TOX: variants seen among roughly 807,000 people sequenced by gnomAD.
The protein encoded by TOX is thymocyte selection-associated high mobility group box protein TOX.
In TOX, 11 loss-of-function variants were observed where a neutral mutation model predicts 53.7. The observed-to-expected ratio is 0.20, with a 90% CI of 0.13 to 0.34. TOX has a LOEUF of 0.34. Ranked by LOEUF, TOX falls within the 10% of genes least tolerant of loss-of-function variation. The pLI, the probability that TOX is intolerant of heterozygous loss-of-function variation, is 1.00. For missense variants in TOX, 570 were observed against 664.6 expected (o/e 0.86, Z 1.56); for synonymous variants, 225 against 245.3 (o/e 0.92, Z 0.77).
intron 2 of TOX, among the ~76,000 whole-genome samples, chr8:58,952,563 C>T (rs1295838544): frequency 6.6e-6 from 1 of 152,188 alleles, no homozygotes; most frequent in Non-Finnish European, 1.5e-5. Context: ...CACAACTGGT[C>T]AGACTGCAGT....
chr8:59,110,375 G>A lies in TOX; in HGVS notation c.102+8511C>T, dbSNP rs553445786. 7.4e-5 allele frequency among the ~76,000 whole-genome samples: 11 copies of A among 147,970 alleles called. No homozygotes were observed. In the South Asian group the frequency reaches 2.3e-3, roughly 31 times the overall value. On this transcript the variant is annotated intron_variant, in intron 1 of 8. Coordinates refer to ENST00000361421, the MANE Select transcript of TOX (RefSeq NM_014729.3). The stretch of plus-strand genomic sequence containing the variant: ...TGAGGTGTATTGGTATAGAAAGGAA[G>A]CATCGGTGTTTTTCAATGGTATGAA...
intron 1 of TOX, among the ~76,000 whole-genome samples, chr8:59,088,203 G>A (rs1056227683): frequency 2.0e-5 from 3 of 152,146 alleles, no homozygotes; most frequent in Admixed American, 6.5e-5. Context: ...CTTAATTCAG[G>A]TGATGATTAG....
At chr8:58,855,995 C>T (rs16924092) in intron 3 of TOX, among the ~76,000 whole-genome samples, 4,607 of 152,252 alleles carry the variant, frequency 0.03, 164 homozygotes, top group East Asian at 0.12. Flanking sequence ...TTGTAACTTC[C>T]CTTTGAGGGA....
intron 3 of TOX, among the ~76,000 whole-genome samples, chr8:58,868,013 C>T (rs542524244): frequency 1.3e-5 from 2 of 152,214 alleles, no homozygotes; most frequent in South Asian, 4.1e-4. Context: ...AATTGTAGCT[C>T]CCATAATCCC....
chr8:58,873,589 T>C (rs1273910203), intron 3 of TOX, among the ~76,000 whole-genome samples: 2 of 152,146 alleles, frequency 1.3e-5, no homozygotes, highest in Non-Finnish European at 2.9e-5. Context: ...TCTAAAAATA[T>C]TAATTGTAAG....
intron 3 of TOX, among the ~76,000 whole-genome samples, chr8:58,921,721 T>A (rs1812079696): frequency 6.6e-6 from 1 of 152,236 alleles, no homozygotes; most frequent in Non-Finnish European, 1.5e-5. Context: ...AACCAGATCT[T>A]ACTAAAACCC....
intron 2 of TOX, among the ~76,000 whole-genome samples, chr8:58,941,649 G>A (rs574503352): frequency 5.9e-5 from 9 of 152,014 alleles, no homozygotes; most frequent in Middle Eastern, 3.4e-3. Context: ...ATTCCACCCC[G>A]TTGCCCACCC....
intron 3 of TOX, among the ~76,000 whole-genome samples, chr8:58,888,474 A>G (rs1451373421): frequency 6.6e-6 from 1 of 152,056 alleles, no homozygotes; most frequent in Admixed American, 6.6e-5. Context: ...TAAGATGTCA[A>G]TTTTCTATAG....
intron 3 of TOX, among the ~76,000 whole-genome samples, chr8:58,897,595 T>C (rs766943127): frequency 5.3e-5 from 8 of 152,200 alleles, no homozygotes; most frequent in Non-Finnish European, 1.2e-4. Context: ...CTGGCAACTG[T>C]CAGTGATGGA....
intron 3 of TOX, among the ~76,000 whole-genome samples, chr8:58,870,948 C>T (rs12541161): frequency 0.19 from 28,278 of 151,984 alleles, 3,244 homozygotes; most frequent in Non-Finnish European, 0.26. Context: ...ATTTACTCTA[C>T]TGATTTGAAA....
At chr8:58,975,245 T>TACAC (rs34016906) in intron 1 of TOX, among the ~76,000 whole-genome samples, 1 of 140,080 alleles carries the variant, frequency 7.1e-6, no homozygotes, top group Non-Finnish European at 1.5e-5. Context: ...GATATATATA[T>TACAC]ACACACACAC....
chr8:58,881,631 C>T (rs529204352), intron 3 of TOX, among the ~76,000 whole-genome samples: 80 of 145,202 alleles, frequency 5.5e-4, no homozygotes, highest in African/African-American at 1.9e-3. Context: ...GGCTGAGGCA[C>T]GAGAATCGCT....
chr8:59,033,042 A>AG (rs1814388554), intron 1 of TOX, among the ~76,000 whole-genome samples: 1 of 151,962 alleles, frequency 6.6e-6, no homozygotes, highest in South Asian at 2.1e-4. Flanking sequence ...TCAAAAAAAA[A>AG]AAAAGAAAAG....
chr8:59,007,797 A>T (rs1813819609), intron 1 of TOX, among the ~76,000 whole-genome samples: 1 of 152,240 alleles, frequency 6.6e-6, no homozygotes, highest in South Asian at 2.1e-4. Context: ...GAGATATTAA[A>T]CTACACAGGT....
At chr8:58,878,318 G>A (rs1307461495) in intron 3 of TOX, among the ~76,000 whole-genome samples, 1 of 152,112 alleles carries the variant, frequency 6.6e-6, no homozygotes, top group Non-Finnish European at 1.5e-5. Flanking sequence ...ATGTTCTTTA[G>A]GTAATATGCT....
At chr8:58,813,739 A>C (rs985408919) in intron 7 of TOX, among the ~76,000 whole-genome samples, 1 of 152,248 alleles carries the variant, frequency 6.6e-6, no homozygotes, top group African/African-American at 2.4e-5. Context: ...CTTTAACAGT[A>C]TCTTTGGCTT....
At chr8:58,990,673 G>A (rs542320150) in intron 1 of TOX, among the ~76,000 whole-genome samples, 10 of 152,144 alleles carry the variant, frequency 6.6e-5, no homozygotes, top group South Asian at 2.1e-4. Context: ...GAGGGAGTCC[G>A]CAGCAAGCAT....
intron 1 of TOX, among the ~76,000 whole-genome samples, chr8:59,033,511 A>C (rs978002433): frequency 6.6e-6 from 1 of 152,234 alleles, no homozygotes; most frequent in African/African-American, 2.4e-5. Context: ...ACACTGAAAA[A>C]TGGTTTAAAT....
At chr8:59,041,528 A>G (rs1176982099) in intron 1 of TOX, among the ~76,000 whole-genome samples, 2 of 152,172 alleles carry the variant, frequency 1.3e-5, no homozygotes, top group Admixed American at 1.3e-4. Context: ...ATTCACTCAT[A>G]GCAATTCTAC....
Sources: gnomAD v4.1 joint callset for allele counts (sites outside exome capture counted in the v4.1 genomes callset) on GRCh38, gnomAD v4.1.1 for gene constraint, MANE v1.5 for transcripts, NCBI Gene and HGNC (gene_info 2026-07-23, HGNC 2026-07-21) for gene names.